The following TMEM222 variants were observed in gnomAD, a reference collection of about 807,000 sequenced individuals.
TMEM222 encodes transmembrane protein 222.
TMEM222 carries 18 observed loss-of-function variants against 25.1 expected under a neutral mutation model. That is an observed-to-expected ratio of 0.72 (90% confidence interval 0.50 to 1.06). TMEM222 has a LOEUF of 1.06. Ranked by LOEUF, TMEM222 falls within the 50% of genes least tolerant of loss-of-function variation. The probability of loss-of-function intolerance (pLI) is 0.00; values close to 1 mark genes in which losing one functional copy is unlikely to be tolerated. For missense variants in TMEM222, 296 were observed against 293.7 expected (o/e 1.01, Z -0.06); for synonymous variants, 131 against 117.9 (o/e 1.11, Z -0.72).
At chr1:27,333,184 A>G in intron 3 of TMEM222, 2 of 380,840 alleles carry the variant, frequency 5.3e-6, no homozygotes, top group Non-Finnish European at 1.1e-5. Flanking sequence ...CTTAGCTGCC[A>G]GCATTCCATC....
intron 1 of TMEM222, among the ~76,000 whole-genome samples, chr1:27,322,910 G>A (rs1213688981): frequency 6.6e-6 from 1 of 151,916 alleles, no homozygotes; most frequent in Non-Finnish European, 1.5e-5. Flanking sequence ...TGCAAACTGG[G>A]TTTAGATCCC....
chr1:27,335,694 T>G lies in TMEM222; in HGVS notation c.*228T>G, dbSNP rs553033569. ...GTCCCCTCCTCCCCAGGCCTGTGAC[T>G]CCGGCCCTGGAAGCCCCTTTGTTCT... On this transcript the variant is annotated 3_prime_UTR_variant, in exon 6 of 6. Transcript: ENST00000374076. 796 of 577,214 alleles carry G rather than the reference T, an allele frequency of 1.4e-3. 11 individuals are homozygous for G. The South Asian group carries it at 0.016, about 11-fold the overall frequency. 35.8% of individuals were successfully genotyped at this position (577,214 alleles called of 1,614,324 possible).
intron 1 of TMEM222, chr1:27,325,840 T>C (rs1371117321): frequency 1.3e-6 from 1 of 796,132 alleles, no homozygotes; most frequent in African/African-American, 1.7e-5. Context: ...ATGGGTTAAT[T>C]CAGAAGTATA....
In TMEM222 at chr1:27,335,496, G is replaced by T; in HGVS notation, c.*30G>T. 1 of 1,609,328 alleles carries T rather than the reference G, an allele frequency of 6.2e-7. No individual in the cohort carries two copies. The highest frequency in any genetic ancestry group is 8.5e-7 in the Non-Finnish European group (1 of 1,175,858). On this transcript the variant is annotated 3_prime_UTR_variant, in exon 6 of 6. Coordinates refer to ENST00000374076, the MANE Select transcript of TMEM222 (RefSeq NM_032125.3). The stretch of plus-strand genomic sequence containing the variant: ...TGCTCGGTGGCCCCACACCCACCAG[G>T]GTCCCGAGGAAACAGCCGCCATCCC...
intron 1 of TMEM222, among the ~76,000 whole-genome samples, chr1:27,329,506 C>T (rs1248215519): frequency 6.6e-6 from 1 of 152,120 alleles, no homozygotes; most frequent in Non-Finnish European, 1.5e-5. Context: ...TTCATTCACC[C>T]TTATGTCTGT....
chr1:27,324,278 C>G (rs749670931), intron 1 of TMEM222, among the ~76,000 whole-genome samples: 2 of 152,270 alleles, frequency 1.3e-5, no homozygotes, highest in East Asian at 3.9e-4. Context: ...GAGCCAAGAT[C>G]GTGCTTTTGC....
intron 3 of TMEM222, chr1:27,333,486 A>G (rs2014530456): frequency 2.2e-5 from 10 of 461,980 alleles, no homozygotes; most frequent in Admixed American, 2.3e-5. Context: ...AAGACTGGAC[A>G]GTCCTGGGTG....
intron 3 of TMEM222, chr1:27,333,475 G>A (rs1249364035): frequency 2.2e-6 from 1 of 463,228 alleles, no homozygotes; most frequent in Admixed American, 2.3e-5. Flanking sequence ...TCACAGTTCC[G>A]AAGACTGGAC....
intron 2 of TMEM222, among the ~76,000 whole-genome samples, chr1:27,331,812 A>T (rs1571011938): frequency 6.6e-6 from 1 of 152,250 alleles, no homozygotes; most frequent in South Asian, 2.1e-4. Flanking sequence ...ACCAAGGGAC[A>T]GTGGCAGCTG....
chr1:27,325,653 C>G, intron 1 of TMEM222: 1 of 839,868 alleles, frequency 1.2e-6, no homozygotes, highest in Non-Finnish European at 2.1e-6. Flanking sequence ...GAAGATCAAG[C>G]TCATTGTGCC....
intron 1 of TMEM222, among the ~76,000 whole-genome samples, chr1:27,326,034 A>G (rs1199955126): frequency 6.6e-6 from 1 of 152,170 alleles, no homozygotes; most frequent in Non-Finnish European, 1.5e-5. Flanking sequence ...CCCTGTACAT[A>G]TCTTTGCTTT....
At chr1:27,334,309 A>G in intron 5 of TMEM222, 28 bp downstream of exon 5, 1 of 1,613,676 alleles carries the variant, frequency 6.2e-7, no homozygotes, top group Non-Finnish European at 8.5e-7. Context: ...CTGCCCACCC[A>G]CACACTGCCC....
chr1:27,323,367 G>A (rs1244335600), intron 1 of TMEM222, among the ~76,000 whole-genome samples: 1 of 152,104 alleles, frequency 6.6e-6, no homozygotes, highest in Non-Finnish European at 1.5e-5. Flanking sequence ...GATCATTTGG[G>A]GCCTTAGGTG....
At chr1:27,327,851 A>G (rs2014389818) in intron 1 of TMEM222, among the ~76,000 whole-genome samples, 1 of 150,992 alleles carries the variant, frequency 6.6e-6, no homozygotes, top group Non-Finnish European at 1.5e-5. Flanking sequence ...AAGCAATCCA[A>G]CTGCCTTGGC....
chr1:27,326,184 T>C (rs747020359), intron 1 of TMEM222, among the ~76,000 whole-genome samples: 18 of 152,198 alleles, frequency 1.2e-4, no homozygotes, highest in Admixed American at 2.0e-4. Context: ...CTGAGTGTTC[T>C]GGGATTTCTC....
intron 3 of TMEM222, chr1:27,332,574 G>T (rs1166766465): frequency 8.4e-6 from 6 of 714,050 alleles, no homozygotes; most frequent in Non-Finnish European, 7.8e-6. Context: ...AGCTATTGCT[G>T]GTTTGGTTTG....
At chr1:27,333,324 A>G (rs117698846) in intron 3 of TMEM222, 1 of 470,976 alleles carries the variant, frequency 2.1e-6, no homozygotes, top group East Asian at 6.9e-5. Context: ...TCTTCTTTCT[A>G]TGCCTGCCTA....
Position 27,322,406 on chromosome 1 carries a change from G to T in TMEM222, c.194+15G>T. On this transcript the variant is annotated intron_variant, in intron 1 of 5. Coordinates refer to ENST00000374076, the MANE Select transcript of TMEM222 (RefSeq NM_032125.3). ...CCGGTGCTCACGTGAGTCTCTTCCG[G>T]CATCCGCCTGGGGACGAGGAGGGCC... The T allele has an allele frequency of 7.3e-7, 1 of 1,379,020 alleles. No individual in the cohort carries two copies. Among genetic ancestry groups the T allele is most frequent in the Non-Finnish European group, 9.5e-7 (1 of 1,052,496 alleles). The allele number at this position is 1,379,020 out of a possible 1,614,324, so 85.4% of individuals were successfully genotyped here.
rs878862520 is a variant in TMEM222 at position 27,325,661 on chromosome 1, G to A, written c.194+3270G>A. On this transcript the variant is annotated intron_variant, in intron 1 of 5. Coordinates refer to ENST00000374076, the MANE Select transcript of TMEM222 (RefSeq NM_032125.3). ...GCACCATGAAGATCAAGCTCATTGT[G>A]CCCCCAGAGTGCAAGTACTCTGTGT... 8.0e-5 allele frequency: 67 copies of A among 835,692 alleles called. No individual in the cohort carries two copies. In the South Asian group the frequency reaches 8.6e-4, roughly 11 times the overall value. The allele number at this position is 835,692 out of a possible 1,614,324, so 51.8% of individuals were successfully genotyped here.
Sources: allele counts gnomAD v4.1 joint callset (sites outside exome capture counted in the v4.1 genomes callset), GRCh38; gene constraint gnomAD v4.1.1; transcripts MANE v1.5; gene names NCBI Gene and HGNC (gene_info 2026-07-23, HGNC 2026-07-21).